The following TRABD2B variants were observed in gnomAD, a reference collection of about 807,000 sequenced individuals.
The protein encoded by TRABD2B is metalloprotease TIKI2.
A neutral mutation model predicts 40.1 loss-of-function variants in TRABD2B; 14 were observed. The ratio of observed to expected loss-of-function variants is 0.35; its 90% confidence interval spans 0.23 to 0.55. The LOEUF (loss-of-function observed/expected upper bound fraction) is 0.55, where lower values mean the gene tolerates loss of function less well. Ranked by LOEUF, TRABD2B falls within the 20% of genes least tolerant of loss-of-function variation. The pLI is 0.90. For synonymous variants in TRABD2B, 263 were observed against 277.0 expected, an observed-to-expected ratio of 0.95 and a Z score of 0.50; for missense variants, 541 against 648.6, an observed-to-expected ratio of 0.83 and a Z score of 1.80.
At chr1:47,786,436 A>G (rs1289517284) in intron 4 of TRABD2B, among the ~76,000 whole-genome samples, 1 of 152,202 alleles carries the variant, frequency 6.6e-6, no homozygotes, top group African/African-American at 2.4e-5. Context: ...GGCTGGCTCC[A>G]GCTAGGGACA....
At chr1:47,967,881 C>T (rs148143727) in intron 2 of TRABD2B, among the ~76,000 whole-genome samples, 1 of 152,356 alleles carries the variant, frequency 6.6e-6, no homozygotes, top group East Asian at 1.9e-4. Flanking sequence ...TGCCAACTAA[C>T]ATCATGATAC....
chr1:47,934,727 G>A (rs1645084069), intron 2 of TRABD2B, among the ~76,000 whole-genome samples: 1 of 152,110 alleles, frequency 6.6e-6, no homozygotes, highest in Non-Finnish European at 1.5e-5. Context: ...TTTCGTCATC[G>A]GCCACATTTA....
At chr1:47,962,617 T>C (rs1355431976) in intron 2 of TRABD2B, among the ~76,000 whole-genome samples, 1 of 152,184 alleles carries the variant, frequency 6.6e-6, no homozygotes, top group Non-Finnish European at 1.5e-5. Flanking sequence ...ACACTTTACA[T>C]ATGATTGATT....
chr1:47,972,021 C>T (rs1645688815), intron 2 of TRABD2B, among the ~76,000 whole-genome samples: 1 of 152,168 alleles, frequency 6.6e-6, no homozygotes, highest in African/African-American at 2.4e-5. Context: ...AAGTCCACAA[C>T]CTCTAATCAC....
intron 4 of TRABD2B, among the ~76,000 whole-genome samples, chr1:47,790,731 T>A (rs900413724): frequency 6.6e-5 from 10 of 152,244 alleles, no homozygotes; most frequent in African/African-American, 2.4e-5. Flanking sequence ...GGCTTTGTTT[T>A]CATCTGCAAA....
At chr1:47,983,382 C>T (rs1355456447) in intron 2 of TRABD2B, among the ~76,000 whole-genome samples, 1 of 152,134 alleles carries the variant, frequency 6.6e-6, no homozygotes, top group South Asian at 2.1e-4. Flanking sequence ...CTACTGGGTA[C>T]CGGGCTTAAT....
intron 2 of TRABD2B, among the ~76,000 whole-genome samples, chr1:47,902,368 G>A (rs1307288084): frequency 6.6e-6 from 1 of 152,190 alleles, no homozygotes; most frequent in Non-Finnish European, 1.5e-5. Context: ...CTGCCAAGTA[G>A]ATGGGCAAAC....
chr1:47,766,457 A>G (rs1170950582), intron 6 of TRABD2B, among the ~76,000 whole-genome samples: 1 of 152,144 alleles, frequency 6.6e-6, no homozygotes, highest in Non-Finnish European at 1.5e-5. Flanking sequence ...GTGGTCAGTC[A>G]TCGACGTACA....
intron 2 of TRABD2B, among the ~76,000 whole-genome samples, chr1:47,841,916 C>A (rs970409751): frequency 4.6e-5 from 7 of 151,660 alleles, no homozygotes; most frequent in Admixed American, 4.6e-4. Flanking sequence ...GGATTACAGG[C>A]ACCTGCCACC....
chr1:47,789,699 G>C (rs1644644599), intron 4 of TRABD2B, among the ~76,000 whole-genome samples: 1 of 151,726 alleles, frequency 6.6e-6, no homozygotes, highest in African/African-American at 2.4e-5. Flanking sequence ...CTCCCTTTTT[G>C]GCTGCCAAAT....
At chr1:47,797,981 A>G (rs969186453) in intron 3 of TRABD2B, among the ~76,000 whole-genome samples, 10 of 151,892 alleles carry the variant, frequency 6.6e-5, no homozygotes, top group Non-Finnish European at 1.5e-5. Context: ...TGCTGACACC[A>G]CCTATCTAAA....
At chr1:47,987,463 T>C (rs1031824538) in intron 2 of TRABD2B, among the ~76,000 whole-genome samples, 1 of 152,198 alleles carries the variant, frequency 6.6e-6, no homozygotes, top group Admixed American at 6.5e-5. Flanking sequence ...AGAAGTCTTC[T>C]TGCTGTGAAC....
intron 2 of TRABD2B, among the ~76,000 whole-genome samples, chr1:47,853,470 G>T (rs1643856868): frequency 6.6e-6 from 1 of 152,190 alleles, no homozygotes; most frequent in Admixed American, 6.5e-5. Flanking sequence ...GAGGCTGAGG[G>T]TTGGGGATAA....
chr1:47,862,558 G>A (rs1570149377), intron 2 of TRABD2B, among the ~76,000 whole-genome samples: 1 of 151,942 alleles, frequency 6.6e-6, no homozygotes, highest in Admixed American at 6.6e-5. Flanking sequence ...ATATATATGA[G>A]AAAAACTACA....
At chr1:47,979,270 C>T (rs991078887) in intron 2 of TRABD2B, among the ~76,000 whole-genome samples, 3 of 152,202 alleles carry the variant, frequency 2.0e-5, no homozygotes, top group African/African-American at 7.2e-5. Flanking sequence ...CAGCTACACA[C>T]AGGGTCCCTG....
chr1:47,933,107 ATTTT>A (rs35311752), intron 2 of TRABD2B, among the ~76,000 whole-genome samples: 5 of 140,378 alleles, frequency 3.6e-5, no homozygotes, highest in Non-Finnish European at 6.2e-5. Flanking sequence ...ATCTCCTGTC[ATTTT>A]TTTTTTTTTT....
Position 47,761,103 on chromosome 1 carries a change from C to G in TRABD2B, c.*4799G>C, listed in dbSNP as rs1200556784. The G allele has an allele frequency of 6.6e-6, 1 of 152,338 alleles. No homozygotes were observed. Among genetic ancestry groups the G allele is most frequent in the Non-Finnish European group, 1.5e-5 (1 of 68,148 alleles). The allele number at this position is 152,338 out of a possible 1,614,324, so 9.4% of individuals were successfully genotyped here. ...GTCCATGTCACCCCTGCCCTCCAGC[C>G]CTAGAACTGCCCAGGCAGGAATCAA... On this transcript the variant is annotated 3_prime_UTR_variant, in exon 7 of 7. Coordinates refer to ENST00000606738, the MANE Select transcript of TRABD2B (RefSeq NM_001194986.2).
chr1:47,763,509 TC>T lies in TRABD2B; in HGVS notation c.*2392del, dbSNP rs1243745206. 3 of 152,198 alleles carry T rather than the reference TC, an allele frequency of 2.0e-5. No individual in the cohort carries two copies. The highest frequency in any genetic ancestry group is 4.4e-5 in the Non-Finnish European group (3 of 68,044). The allele number at this position is 152,198 out of a possible 1,614,324, so 9.4% of individuals were successfully genotyped here. On this transcript the variant is annotated 3_prime_UTR_variant, in exon 7 of 7. Transcript: ENST00000606738. ...ATCTAGCATTGCACTGCTTGTCCCA[TC>T]TTGATAATGAGTTCCTCTGGGCCAA...
intron 2 of TRABD2B, among the ~76,000 whole-genome samples, chr1:47,881,749 T>C (rs1395076484): frequency 2.0e-5 from 3 of 152,212 alleles, no homozygotes; most frequent in Non-Finnish European, 4.4e-5. Context: ...GGCCAGGCTA[T>C]CTTTTTCACT....
Sources: allele counts gnomAD v4.1 joint callset (sites outside exome capture counted in the v4.1 genomes callset), GRCh38; gene constraint gnomAD v4.1.1; transcripts MANE v1.5; gene names NCBI Gene and HGNC (gene_info 2026-07-23, HGNC 2026-07-21).